GRID2: variants seen among roughly 807,000 people sequenced by gnomAD.
The protein encoded by GRID2 is glutamate receptor ionotropic, delta-2.
Under a neutral mutation model 114.8 loss-of-function variants are expected in GRID2, and 33 were observed. That is an observed-to-expected ratio of 0.29 (90% CI 0.22 to 0.38). The LOEUF is 0.38. GRID2 is among the 10% of genes least tolerant of loss of function. The probability of loss-of-function intolerance (pLI) is 1.00; values close to 1 mark genes in which losing one functional copy is unlikely to be tolerated. For missense variants in GRID2, 1,184 were observed against 1,257.7 expected, an observed-to-expected ratio of 0.94 and a Z score of 0.89; for synonymous variants, 505 against 449.9, an observed-to-expected ratio of 1.12 and a Z score of -1.55.
chr4:93,525,740 C>T (rs1436194882), intron 13 of GRID2, among the ~76,000 whole-genome samples: 1 of 152,050 alleles, frequency 6.6e-6, no homozygotes, highest in Non-Finnish European at 1.5e-5. Flanking sequence ...TAGTGGGAGT[C>T]CCTAACACAG....
chr4:93,484,896 A>G (rs73839549), intron 11 of GRID2, among the ~76,000 whole-genome samples: 4,731 of 151,996 alleles, frequency 0.031, 86 homozygotes, highest in South Asian at 0.058. Flanking sequence ...TGCTTCTACA[A>G]ACATTTCTGT....
At chr4:93,167,833 C>G (rs1250892233) in intron 4 of GRID2, among the ~76,000 whole-genome samples, 1 of 151,902 alleles carries the variant, frequency 6.6e-6, no homozygotes, top group African/African-American at 2.4e-5. Context: ...TTTAGAGATG[C>G]ATTCTGAAAA....
intron 2 of GRID2, among the ~76,000 whole-genome samples, chr4:92,787,512 C>T (rs998729435): frequency 3.3e-5 from 5 of 151,886 alleles, no homozygotes; most frequent in African/African-American, 1.2e-4. Flanking sequence ...TGGTGAAAAG[C>T]CCTAAGGCAG....
At chr4:93,367,942 A>C (rs370646084) in intron 8 of GRID2, among the ~76,000 whole-genome samples, 1 of 152,190 alleles carries the variant, frequency 6.6e-6, no homozygotes, top group South Asian at 2.1e-4. Context: ...AGGAGACACC[A>C]GTGATTACAG....
chr4:93,199,072 A>C (rs972305471), intron 4 of GRID2, among the ~76,000 whole-genome samples: 1 of 152,154 alleles, frequency 6.6e-6, no homozygotes, highest in Non-Finnish European at 1.5e-5. Context: ...TGATGGTGCC[A>C]AAAGTTACCA....
intron 2 of GRID2, among the ~76,000 whole-genome samples, chr4:92,651,921 A>G (rs1433684750): frequency 1.3e-5 from 2 of 152,032 alleles, no homozygotes; most frequent in East Asian, 1.9e-4. Flanking sequence ...TTCTCTGTCA[A>G]CTTTCATAGA....
At position 93,522,959 on chromosome 4, in the gene GRID2, T is replaced by TGACAGAAA. The variant is rs983582135; in HGVS notation, c.2193+7550_2193+7557dup. 1.1e-4 allele frequency among the ~76,000 whole-genome samples: 16 copies of TGACAGAAA among 151,862 alleles called. 1 individual carries two copies. Among genetic ancestry groups the TGACAGAAA allele is most frequent in the Admixed American group, 7.2e-4 (11 of 15,242 alleles). On this transcript the variant is annotated intron_variant, in intron 13 of 15. Transcript: ENST00000282020. Reference sequence around the variant, plus strand: ...AACGCAGAACTCCTATTTGAGAGAGTGACAGAAAGCCAAGTGATAAAAATA... The same window carrying TGACAGAAA: ...AACGCAGAACTCCTATTTGAGAGAGTGACAGAAAGACAGAAAGCCAAGTGATAAAAATA...
chr4:92,952,378 T>G (rs1752102122), intron 2 of GRID2, among the ~76,000 whole-genome samples: 2 of 152,224 alleles, frequency 1.3e-5, no homozygotes, highest in East Asian at 1.9e-4. Context: ...GGATAATAGA[T>G]CTCTATGAGA....
At chr4:93,036,296 A>C (rs1724925427) in intron 2 of GRID2, among the ~76,000 whole-genome samples, 1 of 152,072 alleles carries the variant, frequency 6.6e-6, no homozygotes, top group Non-Finnish European at 1.5e-5. Flanking sequence ...CAACTCTCCA[A>C]CTTATATAGT....
At chr4:93,399,094 C>T (rs922676968) in intron 9 of GRID2, among the ~76,000 whole-genome samples, 1 of 151,996 alleles carries the variant, frequency 6.6e-6, no homozygotes, top group Non-Finnish European at 1.5e-5. Flanking sequence ...AATCTATACT[C>T]AACTTGATGT....
chr4:92,427,253 C>A (rs763868034), intron 1 of GRID2, among the ~76,000 whole-genome samples: 15 of 151,856 alleles, frequency 9.9e-5, no homozygotes, highest in Admixed American at 2.0e-4. Flanking sequence ...AATTATGGGA[C>A]CTTATCAGTA....
intron 1 of GRID2, among the ~76,000 whole-genome samples, chr4:92,548,793 T>C (rs573040889): frequency 6.6e-6 from 1 of 152,172 alleles, no homozygotes; most frequent in African/African-American, 2.4e-5. Context: ...GGGGACACCT[T>C]AGGAAACTTT....
chr4:93,742,177 T>C (rs1303053198), intron 14 of GRID2, among the ~76,000 whole-genome samples: 1 of 152,206 alleles, frequency 6.6e-6, no homozygotes, highest in African/African-American at 2.4e-5. Context: ...AAATATACCC[T>C]GAACACTAAT....
At chr4:93,713,672 T>C (rs1288231257) in intron 14 of GRID2, among the ~76,000 whole-genome samples, 2 of 152,046 alleles carry the variant, frequency 1.3e-5, no homozygotes, top group Admixed American at 6.6e-5. Context: ...CTTTTTTAGA[T>C]AGGGTTACCA....
At chr4:93,486,810 G>T (rs374508901) in intron 11 of GRID2, among the ~76,000 whole-genome samples, 1 of 151,696 alleles carries the variant, frequency 6.6e-6, no homozygotes, top group African/African-American at 2.4e-5. Context: ...GAATAACTTT[G>T]TCAGGTTTTG....
intron 13 of GRID2, among the ~76,000 whole-genome samples, chr4:93,545,166 C>T (rs11937843): frequency 0.31 from 47,050 of 151,980 alleles, 7,944 homozygotes; most frequent in African/African-American, 0.43. Flanking sequence ...TTCATGCAGC[C>T]TAAATTCAGG....
intron 8 of GRID2, among the ~76,000 whole-genome samples, chr4:93,268,813 T>A (rs1751125677): frequency 6.6e-6 from 1 of 152,190 alleles, no homozygotes; most frequent in Admixed American, 6.5e-5. Context: ...AAAGCACATC[T>A]ATCTTCTCGG....
chr4:93,471,698 A>ATTTTTTTTATTTTTTTTTTTTTTTT, intron 11 of GRID2, among the ~76,000 whole-genome samples: 1 of 61,002 alleles, frequency 1.6e-5, no homozygotes, highest in East Asian at 2.8e-4. Context: ...CCTGAATTCA[A>ATTTTTTTTATTTTTTTTTTTTTTTT]TTTTTTTTTT....
At chr4:93,774,686 C>A (rs1734320565), downstream of GRID2, 1 of 152,060 alleles carries the variant, frequency 6.6e-6, no homozygotes, top group Non-Finnish European at 1.5e-5. Flanking sequence ...GTTTTACTGG[C>A]AGAACTATGC....
Sources: allele counts gnomAD v4.1 joint callset (sites outside exome capture counted in the v4.1 genomes callset), GRCh38; gene constraint gnomAD v4.1.1; transcripts MANE v1.5; gene names NCBI Gene and HGNC (gene_info 2026-07-23, HGNC 2026-07-21).